Variants in CYP4X1 observed in about 807,000 individuals in gnomAD.
The protein encoded by CYP4X1 is cytochrome P450 family 4 subfamily X member 1, also known as cytochrome P450 4X1.
In CYP4X1, 44 loss-of-function variants were observed where a neutral mutation model predicts 57.9. The observed-to-expected ratio is 0.76, with a 90% confidence interval of 0.60 to 0.98. The LOEUF is 0.98. Among genes scored for constraint, CYP4X1 ranks in the 50% least tolerant of loss-of-function variants. CYP4X1 has a pLI of 0.00. For missense variants in CYP4X1, 532 were observed against 623.9 expected (o/e 0.85, Z 1.57); for synonymous variants, 227 against 228.6 (o/e 0.99, Z 0.06).
upstream of CYP4X1, among the ~76,000 whole-genome samples, chr1:47,021,949 T>C (rs1644001923): frequency 6.6e-6 from 1 of 152,240 alleles, no homozygotes; most frequent in Non-Finnish European, 1.5e-5. Flanking sequence ...AAGTTTCAGC[T>C]CTGGGGCAGA....
At chr1:46,976,709 C>T in the CYP4X1 span, among the ~76,000 whole-genome samples, 1 of 152,178 alleles carries the variant, frequency 6.6e-6, no homozygotes, top group African/African-American at 2.4e-5. Flanking sequence ...GGCCAACACA[C>T]ACCTCATACA....
downstream of CYP4X1, among the ~76,000 whole-genome samples, chr1:47,053,703 G>A (rs1379058101): frequency 1.7e-4 from 26 of 152,208 alleles, no homozygotes; most frequent in Admixed American, 1.7e-3. Flanking sequence ...TCTTTTGGCT[G>A]CATAAATGTC....
chr1:46,987,168 A>G, the CYP4X1 span, among the ~76,000 whole-genome samples: 1 of 152,344 alleles, frequency 6.6e-6, no homozygotes, highest in Admixed American at 6.5e-5. Flanking sequence ...CTCAAAATAA[A>G]TAAAGGGATG....
the CYP4X1 span, among the ~76,000 whole-genome samples, chr1:46,999,783 T>A: frequency 1.3e-5 from 2 of 151,694 alleles, no homozygotes; most frequent in African/African-American, 2.4e-5. Flanking sequence ...GTACATGGTA[T>A]AGGAAAGGGT....
intron 10 of CYP4X1, among the ~76,000 whole-genome samples, chr1:47,048,898 GC>G (rs1263918491): frequency 6.6e-6 from 1 of 152,158 alleles, no homozygotes; most frequent in Non-Finnish European, 1.5e-5. Flanking sequence ...GTAATAATTG[GC>G]CACATCATCA....
intron 6 of CYP4X1, among the ~76,000 whole-genome samples, chr1:47,037,689 A>G (rs886651325): frequency 1.3e-5 from 2 of 152,118 alleles, no homozygotes; most frequent in Non-Finnish European, 2.9e-5. Flanking sequence ...AAATAACTCC[A>G]GACATTATTG....
chr1:47,052,868 T>G (rs577888817), downstream of CYP4X1, among the ~76,000 whole-genome samples: 7 of 152,346 alleles, frequency 4.6e-5, no homozygotes, highest in African/African-American at 1.7e-4. Flanking sequence ...TTCTGTGATT[T>G]GTCTGTACAC....
At chr1:47,024,056 G>C (rs1485698897) in intron 1 of CYP4X1, 62 bp downstream of exon 1, 103 of 1,530,042 alleles carry the variant, frequency 6.7e-5, no homozygotes, top group Non-Finnish European at 1.7e-5. Context: ...CGGCAGAGGA[G>C]CCCAGCCGGC....
In CYP4X1 at chr1:47,050,051, C is replaced by T; in HGVS notation, c.1407C>T (p.Ala469=). 1 of 1,613,974 alleles carries T rather than the reference C, an allele frequency of 6.2e-7. No individual in the cohort carries two copies. Among genetic ancestry groups the T allele is most frequent in the Non-Finnish European group, 8.5e-7 (1 of 1,180,010 alleles). Residue 469 remains alanine, a synonymous_variant, in exon 12 of 12, where the codon GCC becomes GCT. Transcript: ENST00000371901. The part of the protein sequence containing the change: ...FAMIELKVTI[A]LILLHFRVTP... Reference sequence around the variant, plus strand: ...TGATTGAGTTAAAGGTAACCATTGCCTTGATTCTGCTCCACTTCAGAGTGA... The same window carrying T: ...TGATTGAGTTAAAGGTAACCATTGCTTTGATTCTGCTCCACTTCAGAGTGA...
At chr1:47,013,873 C>T in the CYP4X1 span, among the ~76,000 whole-genome samples, 1 of 151,282 alleles carries the variant, frequency 6.6e-6, no homozygotes, top group African/African-American at 2.4e-5. Context: ...AGCAATTCTC[C>T]TGCCTCAGCC....
intron 4 of CYP4X1, among the ~76,000 whole-genome samples, chr1:47,034,374 C>T (rs1397092180): frequency 1.3e-5 from 2 of 152,176 alleles, no homozygotes; most frequent in Non-Finnish European, 2.9e-5. Context: ...GATTTATAAA[C>T]GAGTTCTATT....
chr1:46,973,957 C>T, the CYP4X1 span, among the ~76,000 whole-genome samples: 1 of 151,878 alleles, frequency 6.6e-6, no homozygotes, highest in Non-Finnish European at 1.5e-5. Flanking sequence ...TTTTTTTCTG[C>T]TAGCTTTCAA....
chr1:47,055,276 A>G (rs1276084445), downstream of CYP4X1, among the ~76,000 whole-genome samples: 1 of 152,138 alleles, frequency 6.6e-6, no homozygotes, highest in Non-Finnish European at 1.5e-5. Context: ...AGCCCACTTG[A>G]TCATGGTGGA....
chr1:46,985,104 G>T, the CYP4X1 span, among the ~76,000 whole-genome samples: 1 of 152,168 alleles, frequency 6.6e-6, no homozygotes, highest in Non-Finnish European at 1.5e-5. Flanking sequence ...AGTTCCAACT[G>T]GGCAGAGCCC....
chr1:47,037,009 G>T (rs1033082169), intron 6 of CYP4X1, among the ~76,000 whole-genome samples: 13 of 152,072 alleles, frequency 8.5e-5, no homozygotes, highest in African/African-American at 2.7e-4. Flanking sequence ...AGAGAAGCAG[G>T]TTATAAACAA....
upstream of CYP4X1, chr1:47,023,494 G>A (rs756638218): frequency 3.8e-6 from 4 of 1,058,026 alleles, no homozygotes; most frequent in Non-Finnish European, 4.6e-6. Flanking sequence ...CTCAGCTTTA[G>A]CATTATTTTA....
chr1:47,036,097 G>A lies in CYP4X1; in HGVS notation c.701G>A (p.Ser234Asn), dbSNP rs1163064341. The A allele has an allele frequency of 6.2e-7, 1 of 1,613,604 alleles. No homozygotes were observed. The highest frequency in any genetic ancestry group is 8.5e-7 in the Non-Finnish European group (1 of 1,179,826). ...CGCTTGTACAGTTTGTTGTATCACA[G>A]TGACATAATTTTCAAACTCAGCCCT... The part of the protein sequence containing the change: ...FHRLYSLLYH[S>N]DIIFKLSPQG... Residue 234 changes from serine (S) to asparagine (N), a missense_variant, in exon 6 of 12, where the codon AGT becomes AAT. Transcript: ENST00000371901.
At chr1:47,031,354 T>C in intron 2 of CYP4X1, 82 bp from the exon 3 acceptor site, 1 of 1,525,594 alleles carries the variant, frequency 6.6e-7, no homozygotes. Context: ...GGTGCAGAAA[T>C]GCAGAAAACC....
At chr1:47,045,788 T>C (rs546340071) in intron 8 of CYP4X1, among the ~76,000 whole-genome samples, 1 of 152,338 alleles carries the variant, frequency 6.6e-6, no homozygotes, top group Admixed American at 6.5e-5. Context: ...TCACTAGAAC[T>C]TTCCAGAGGT....
Sources: gnomAD v4.1 joint callset for allele counts (sites outside exome capture counted in the v4.1 genomes callset) on GRCh38, gnomAD v4.1.1 for gene constraint, MANE v1.5 for transcripts, NCBI Gene and HGNC (gene_info 2026-07-23, HGNC 2026-07-21) for gene names.